The following FUT9 variants were observed in gnomAD, a reference collection of about 807,000 sequenced individuals.
FUT9 encodes fucosyltransferase 9, also known as 4-galactosyl-N-acetylglucosaminide 3-alpha-L-fucosyltransferase 9.
Under a neutral mutation model 29.7 loss-of-function variants are expected in FUT9, and 15 were observed. The ratio of observed to expected loss-of-function variants is 0.51; its 90% CI spans 0.34 to 0.78. The LOEUF (loss-of-function observed/expected upper bound fraction) is 0.78. FUT9 is among the 30% of genes least tolerant of loss of function. The probability of loss-of-function intolerance (pLI) is 0.01; values close to 1 mark genes in which losing one functional copy is unlikely to be tolerated. For missense variants in FUT9, 319 were observed against 425.4 expected (o/e 0.75, Z 2.20); for synonymous variants, 169 against 153.7 (o/e 1.10, Z -0.74).
chr6:96,170,465 A>G (rs1046282710), intron 2 of FUT9, among the ~76,000 whole-genome samples: 1 of 152,140 alleles, frequency 6.6e-6, no homozygotes, highest in Non-Finnish European at 1.5e-5. Context: ...CAATATATCA[A>G]AATCAAACTG....
rs1773963412 is a variant in FUT9, at chr6:96,212,808, G to A, written c.*8573G>A. On this transcript the variant is annotated 3_prime_UTR_variant, in exon 3 of 3. Coordinates refer to ENST00000302103, the MANE Select transcript of FUT9 (RefSeq NM_006581.4). ...GAAAAAGTAAGGAGCTAACAAGTCT[G>A]TACCTAGATTCAAGTTCACAAAGCG... 1.2e-5 allele frequency: 2 copies of A among 167,100 alleles called. No homozygotes were observed. The highest frequency in any genetic ancestry group is 1.3e-4 in the Admixed American group (2 of 15,242). The allele number at this position is 167,100 out of a possible 1,614,324, so 10.4% of individuals were successfully genotyped here. A position where few individuals can be genotyped will look rare whatever the true frequency, so the allele number is the denominator to read the frequency against.
At chr6:96,056,091 T>C (rs1318073) in intron 1 of FUT9, among the ~76,000 whole-genome samples, 82,914 of 151,994 alleles carry the variant, frequency 0.55, 22,735 homozygotes, top group South Asian at 0.63. Context: ...TATGTTGAGT[T>C]TCTGCTGCTA....
rs1213106511 is a variant in FUT9, at chr6:96,146,070, G to A, written c.-9+31943G>A. ...TTGCCAGGGCTGGTCTCGAACTCCTGGGCTCCAGGGACCCCACCTAAACCT... is the reference window on the plus strand; with the variant it reads ...TTGCCAGGGCTGGTCTCGAACTCCTAGGCTCCAGGGACCCCACCTAAACCT... On this transcript the variant is annotated intron_variant, in intron 2 of 2. Coordinates refer to ENST00000302103, the MANE Select transcript of FUT9 (RefSeq NM_006581.4). Among the ~76,000 whole-genome samples the A allele has an allele frequency of 1.3e-5, 2 of 152,020 alleles. 1 individual carries two copies. Among genetic ancestry groups the A allele is most frequent in the East Asian group, 3.9e-4 (2 of 5,182 alleles).
At chr6:96,189,939 T>A (rs2127988368) in intron 2 of FUT9, among the ~76,000 whole-genome samples, 1 of 152,306 alleles carries the variant, frequency 6.6e-6, no homozygotes, top group East Asian at 1.9e-4. Flanking sequence ...GTAAATTTGA[T>A]CCTGTCATTA....
At chr6:96,066,277 A>G (rs994057364) in intron 1 of FUT9, among the ~76,000 whole-genome samples, 1 of 152,082 alleles carries the variant, frequency 6.6e-6, no homozygotes, top group African/African-American at 2.4e-5. Context: ...TATGGTTCAC[A>G]TTAAAATGCA....
intron 1 of FUT9, among the ~76,000 whole-genome samples, chr6:96,028,099 G>A (rs1037639195): frequency 6.6e-6 from 1 of 151,572 alleles, no homozygotes; most frequent in Admixed American, 6.6e-5. Flanking sequence ...GAGTATGCCA[G>A]TGGCAATCTT....
chr6:96,130,088 G>C (rs970545223), intron 2 of FUT9, among the ~76,000 whole-genome samples: 3 of 151,948 alleles, frequency 2.0e-5, no homozygotes, highest in African/African-American at 7.3e-5. Flanking sequence ...GGTGGGAGAG[G>C]GGGTACGAAT....
intron 1 of FUT9, among the ~76,000 whole-genome samples, chr6:96,100,445 A>T (rs1582229206): frequency 1.3e-5 from 2 of 152,204 alleles, no homozygotes; most frequent in African/African-American, 4.8e-5. Flanking sequence ...GAAATTATCT[A>T]TGGGAGTACA....
chr6:96,177,563 C>T (rs927352227), intron 2 of FUT9, among the ~76,000 whole-genome samples: 1 of 152,114 alleles, frequency 6.6e-6, no homozygotes, highest in Non-Finnish European at 1.5e-5. Context: ...ACCACAATTC[C>T]TGGAAGACAG....
At position 96,203,409 on chromosome 6, in the gene FUT9, T is replaced by C; in HGVS notation, c.254T>C (p.Met85Thr). Residue 85 changes from methionine to threonine, a missense_variant, in exon 3 of 3, where the codon ATG becomes ACG. Coordinates refer to ENST00000302103, the MANE Select transcript of FUT9 (RefSeq NM_006581.4). The part of the protein sequence containing the change: ...QTFDLTSCQA[M>T]FNIQGCHLTT... ...TTTGACCTTACATCCTGCCAAGCAA[T>C]GTTCAACATCCAAGGATGCCATCTC... 6.2e-7 allele frequency: 1 copy of C among 1,609,930 alleles called. No homozygotes were observed. Among genetic ancestry groups the C allele is most frequent in the Non-Finnish European group, 8.5e-7 (1 of 1,177,324 alleles).
intron 1 of FUT9, among the ~76,000 whole-genome samples, chr6:96,017,776 A>G (rs761687767): frequency 5.9e-5 from 9 of 152,132 alleles, no homozygotes; most frequent in South Asian, 4.1e-4. Flanking sequence ...ATTTGAGGGG[A>G]ATATAAATTA....
At chr6:96,181,240 T>C (rs1428046705) in intron 2 of FUT9, among the ~76,000 whole-genome samples, 1 of 152,006 alleles carries the variant, frequency 6.6e-6, no homozygotes, top group East Asian at 1.9e-4. Flanking sequence ...TATCAAGCTT[T>C]ACCTGTAGTT....
intron 1 of FUT9, among the ~76,000 whole-genome samples, chr6:96,074,220 G>A (rs12207089): frequency 0.11 from 17,438 of 152,068 alleles, 1,295 homozygotes; most frequent in Non-Finnish European, 0.16. Context: ...GCAGCTGCAC[G>A]TGGCCTATTA....
rs185190836 is a variant in FUT9, at chr6:96,168,977, C to T, written c.-8-34171C>T. On this transcript the variant is annotated intron_variant, in intron 2 of 2. Transcript: ENST00000302103. The stretch of plus-strand genomic sequence containing the variant: ...AAAGCATGGCATATGGGTACAGATG[C>T]TGCTAGGTCTGAACAGAAGGGAGTA... Among the ~76,000 whole-genome samples the T allele has an allele frequency of 6.6e-5, 10 of 152,286 alleles. No homozygotes were observed. The East Asian group carries it at 1.9e-3, about 29-fold the overall frequency.
intron 2 of FUT9, among the ~76,000 whole-genome samples, chr6:96,193,954 C>T (rs4365935): frequency 0.91 from 138,753 of 152,126 alleles, 64,649 homozygotes; most frequent in Non-Finnish European, 1. Flanking sequence ...ATCGCAAGGG[C>T]GAAAAACCAA....
chr6:96,106,421 C>G (rs995395169), intron 1 of FUT9, among the ~76,000 whole-genome samples: 10 of 151,754 alleles, frequency 6.6e-5, no homozygotes, highest in Non-Finnish European at 1.5e-4. Flanking sequence ...TTGCCATAGA[C>G]AAAAAATTAA....
intron 2 of FUT9, among the ~76,000 whole-genome samples, chr6:96,121,194 C>G (rs1772020991): frequency 6.6e-6 from 1 of 152,102 alleles, no homozygotes; most frequent in South Asian, 2.1e-4. Flanking sequence ...TGGAAGACTA[C>G]CTATAATAGT....
intron 1 of FUT9, among the ~76,000 whole-genome samples, chr6:96,043,071 T>C (rs1248609236): frequency 6.6e-6 from 1 of 152,196 alleles, no homozygotes; most frequent in African/African-American, 2.4e-5. Flanking sequence ...GTTTATTCTT[T>C]TTTTTGGTCT....
chr6:96,030,699 C>A (rs1175510532), intron 1 of FUT9, among the ~76,000 whole-genome samples: 1 of 151,154 alleles, frequency 6.6e-6, no homozygotes, highest in Non-Finnish European at 1.5e-5. Context: ...GAATGAATAC[C>A]CATACTTGCC....
Sources: gnomAD v4.1 joint callset for allele counts (sites outside exome capture counted in the v4.1 genomes callset) on GRCh38, gnomAD v4.1.1 for gene constraint, MANE v1.5 for transcripts, NCBI Gene and HGNC (gene_info 2026-07-23, HGNC 2026-07-21) for gene names.